The following CA10 variants were observed in gnomAD, a reference collection of about 807,000 sequenced individuals.
CA10 encodes the protein carbonic anhydrase 10 (inactive), also known as carbonic anhydrase-related protein 10.
Under a neutral mutation model 44.2 loss-of-function variants are expected in CA10, and 14 were observed. That is an observed-to-expected ratio of 0.32 (90% CI 0.21 to 0.50). CA10 has a LOEUF of 0.50. Ranked by LOEUF, CA10 falls within the 20% of genes least tolerant of loss-of-function variation. CA10 has a pLI of 0.99. For synonymous variants in CA10, 159 were observed against 141.6 expected, an observed-to-expected ratio of 1.12 and a Z score of -0.87; for missense variants, 350 against 409.7, an observed-to-expected ratio of 0.85 and a Z score of 1.26.
At chr17:51,715,751 C>G (rs1050723259) in intron 4 of CA10, among the ~76,000 whole-genome samples, 1 of 152,010 alleles carries the variant, frequency 6.6e-6, no homozygotes, top group Non-Finnish European at 1.5e-5. Context: ...AGTACACTGG[C>G]TCAATCTCAG....
At chr17:52,013,776 T>G (rs1294879192) in intron 2 of CA10, among the ~76,000 whole-genome samples, 2 of 151,990 alleles carry the variant, frequency 1.3e-5, no homozygotes, top group Non-Finnish European at 2.9e-5. Context: ...CACAGGGGAC[T>G]GGTTTCAGAA....
chr17:52,110,509 A>G (rs1988766759), intron 1 of CA10, among the ~76,000 whole-genome samples: 1 of 152,124 alleles, frequency 6.6e-6, no homozygotes, highest in African/African-American at 2.4e-5. Flanking sequence ...AAATAATACC[A>G]CTGTATCCTA....
At chr17:51,704,702 G>A (rs1019345259) in intron 4 of CA10, among the ~76,000 whole-genome samples, 9 of 152,088 alleles carry the variant, frequency 5.9e-5, no homozygotes, top group Admixed American at 2.0e-4. Context: ...GATGGCTCAC[G>A]CCTGTAATCC....
At chr17:52,124,415 G>A (rs970983020) in intron 1 of CA10, among the ~76,000 whole-genome samples, 3 of 152,110 alleles carry the variant, frequency 2.0e-5, no homozygotes, top group African/African-American at 7.2e-5. Context: ...CCTTTCCCCA[G>A]GATTCTGTTA....
At chr17:52,053,457 T>C (rs1212787595) in intron 2 of CA10, among the ~76,000 whole-genome samples, 3 of 152,086 alleles carry the variant, frequency 2.0e-5, no homozygotes, top group African/African-American at 7.2e-5. Flanking sequence ...CTTGCAAGAA[T>C]TTAGCAAACT....
intron 3 of CA10, among the ~76,000 whole-genome samples, chr17:51,787,185 C>G (rs1450110595): frequency 6.6e-6 from 1 of 152,192 alleles, no homozygotes; most frequent in Non-Finnish European, 1.5e-5. Flanking sequence ...ATACTGGCCT[C>G]ATAGAATGAA....
chr17:52,029,167 G>A (rs1298451414), intron 2 of CA10, among the ~76,000 whole-genome samples: 1 of 151,992 alleles, frequency 6.6e-6, no homozygotes. Context: ...ATTCATTGCT[G>A]AAGTTCCTCT....
At chr17:51,633,998 T>C (rs931569497) in intron 7 of CA10, among the ~76,000 whole-genome samples, 7 of 152,360 alleles carry the variant, frequency 4.6e-5, no homozygotes, top group Non-Finnish European at 1.0e-4. Flanking sequence ...AATAATTCCA[T>C]GACTCCCACA....
At chr17:51,812,794 A>G (rs1054373188) in intron 3 of CA10, among the ~76,000 whole-genome samples, 2 of 152,126 alleles carry the variant, frequency 1.3e-5, no homozygotes, top group Non-Finnish European at 2.9e-5. Flanking sequence ...TTGCCTGTCT[A>G]TGGCTTGAGT....
At chr17:51,640,684 G>C (rs900026354) in intron 6 of CA10, among the ~76,000 whole-genome samples, 1 of 151,766 alleles carries the variant, frequency 6.6e-6, no homozygotes, top group Non-Finnish European at 1.5e-5. Context: ...CCCAAGAAAA[G>C]AACATGAGTA....
chr17:51,904,765 G>T (rs1160495151), intron 3 of CA10, among the ~76,000 whole-genome samples: 1 of 152,072 alleles, frequency 6.6e-6, no homozygotes, highest in East Asian at 1.9e-4. Context: ...TGGTGAGGGA[G>T]CCTCTATCCT....
intron 3 of CA10, among the ~76,000 whole-genome samples, chr17:51,894,581 A>G (rs1176044053): frequency 6.6e-6 from 1 of 152,154 alleles, no homozygotes; most frequent in Non-Finnish European, 1.5e-5. Context: ...CATTTCAGGA[A>G]CCAATTCTAT....
intron 2 of CA10, among the ~76,000 whole-genome samples, chr17:52,065,453 T>G (rs928012442): frequency 1.3e-5 from 2 of 152,282 alleles, no homozygotes; most frequent in South Asian, 4.1e-4. Context: ...TGGCAAACAT[T>G]GAGCCCCTGG....
intron 4 of CA10, among the ~76,000 whole-genome samples, chr17:51,659,359 C>T (rs1024440235): frequency 6.6e-6 from 1 of 152,168 alleles, no homozygotes; most frequent in African/African-American, 2.4e-5. Flanking sequence ...GGGGATTACA[C>T]CATCAGCACC....
At position 51,915,396 on chromosome 17, in the gene CA10, T is replaced by C. The variant is rs568984487; in HGVS notation, c.279+15594A>G. Reference sequence around the variant, plus strand: ...CTCTTACATTCTTCCCTTTGGTTAATAGATTGATTCCGATCTATTAAAAGT... The same window carrying C: ...CTCTTACATTCTTCCCTTTGGTTAACAGATTGATTCCGATCTATTAAAAGT... On this transcript the variant is annotated intron_variant, in intron 3 of 8. Transcript: ENST00000451037. Among the ~76,000 whole-genome samples the C allele has an allele frequency of 1.2e-4, 18 of 152,324 alleles. No homozygotes were observed. The South Asian group carries it at 2.3e-3, about 19-fold the overall frequency.
In CA10 at chr17:52,157,827, C is replaced by A; in HGVS notation, c.-41G>T. The A allele has an allele frequency of 6.4e-7, 1 of 1,559,658 alleles. No homozygotes were observed. The highest frequency in any genetic ancestry group is 8.8e-7 in the Non-Finnish European group (1 of 1,130,512). ...CCAAGTGCATCACTCGACGGGAAAA[C>A]GGGGGGAAGGGGGGAGCCCGACACG... is the stretch of plus-strand genomic sequence containing the variant. On this transcript the variant is annotated 5_prime_UTR_variant, in exon 1 of 9. Coordinates refer to ENST00000451037, the MANE Select transcript of CA10 (RefSeq NM_020178.5).
intron 1 of CA10, among the ~76,000 whole-genome samples, 197 bp downstream of exon 1, chr17:52,157,529 A>ACCCCCCCCC (rs368350526): frequency 4.5e-5 from 5 of 110,386 alleles, no homozygotes; most frequent in African/African-American, 7.5e-5. Flanking sequence ...GATCCTAACC[A>ACCCCCCCCC]CCCCCCCCCG....
intron 3 of CA10, among the ~76,000 whole-genome samples, chr17:51,886,963 T>A (rs1049134299): frequency 6.6e-6 from 1 of 152,122 alleles, no homozygotes; most frequent in African/African-American, 2.4e-5. Context: ...GCTCCCCCTG[T>A]GCACCCTGCT....
intron 3 of CA10, among the ~76,000 whole-genome samples, chr17:51,914,162 T>A (rs1981897980): frequency 6.6e-6 from 1 of 152,154 alleles, no homozygotes; most frequent in South Asian, 2.1e-4. Flanking sequence ...CAAAGTGCAA[T>A]CATGCTTTTG....
Sources: allele counts gnomAD v4.1 joint callset (sites outside exome capture counted in the v4.1 genomes callset), GRCh38; gene constraint gnomAD v4.1.1; transcripts MANE v1.5; gene names NCBI Gene and HGNC (gene_info 2026-07-23, HGNC 2026-07-21).